The following SLC39A12 variants were observed in gnomAD, a reference collection of about 807,000 sequenced individuals.
The protein encoded by SLC39A12 is solute carrier family 39 member 12.
SLC39A12 carries 63 observed loss-of-function variants against 71.1 expected under a neutral mutation model. The observed-to-expected ratio is 0.89, with a 90% confidence interval of 0.72 to 1.09. The LOEUF (loss-of-function observed/expected upper bound fraction) is 1.09. Ranked by LOEUF, SLC39A12 falls within the 50% of genes least tolerant of loss-of-function variation. The probability of loss-of-function intolerance (pLI) is 0.00; values close to 1 mark genes in which losing one functional copy is unlikely to be tolerated. For missense variants in SLC39A12, 892 were observed against 812.6 expected, an observed-to-expected ratio of 1.10 and a Z score of -1.19; for synonymous variants, 351 against 301.3, an observed-to-expected ratio of 1.16 and a Z score of -1.71.
At chr10:18,042,630 C>T (rs1329459113) in intron 12 of SLC39A12, 75 bp from the exon 13 acceptor site, 13 of 1,453,708 alleles carry the variant, frequency 8.9e-6, no homozygotes, top group Non-Finnish European at 1.2e-5. Context: ...AACAGTCGCT[C>T]ATGTTTTCCC....
intron 12 of SLC39A12, 21 bp from the exon 13 acceptor site, chr10:18,042,684 G>T (rs1468419483): frequency 1.9e-6 from 3 of 1,595,614 alleles, no homozygotes; most frequent in African/African-American, 1.4e-5. Context: ...ATCTTATTCT[G>T]GTTTTTTATT....
chr10:17,983,938 T>C (rs1356052693), intron 6 of SLC39A12, among the ~76,000 whole-genome samples: 1 of 152,162 alleles, frequency 6.6e-6, no homozygotes, highest in Admixed American at 6.5e-5. Flanking sequence ...GGGGAGACAT[T>C]ATTAAGAAAA....
At chr10:17,980,493 C>T (rs954156188) in intron 5 of SLC39A12, among the ~76,000 whole-genome samples, 5 of 152,110 alleles carry the variant, frequency 3.3e-5, no homozygotes, top group African/African-American at 4.8e-5. Flanking sequence ...TGAAACTACC[C>T]GTCATTCTCA....
intron 4 of SLC39A12, among the ~76,000 whole-genome samples, chr10:17,977,481 T>C (rs553304): frequency 0.48 from 72,877 of 151,982 alleles, 17,565 homozygotes; most frequent in South Asian, 0.56. Flanking sequence ...AACTAATCTG[T>C]GATCTTTAAA....
intron 12 of SLC39A12, among the ~76,000 whole-genome samples, chr10:18,030,297 C>T (rs181152236): frequency 0.012 from 1,760 of 151,256 alleles, 33 homozygotes; most frequent in African/African-American, 0.04. Context: ...GAGTCTCTCT[C>T]TGTCGCCCAG....
chr10:18,031,395 C>T (rs2130892124), intron 12 of SLC39A12, among the ~76,000 whole-genome samples: 1 of 136,642 alleles, frequency 7.3e-6, no homozygotes, highest in East Asian at 2.1e-4. Context: ...TCTCTGATGG[C>T]CAGTGATGAT....
rs1450619350 is a variant in SLC39A12, at chr10:18,000,800, G to A, written c.1734G>A (p.Leu578=). 3 of 1,614,002 alleles carry A rather than the reference G, an allele frequency of 1.9e-6. No individual in the cohort carries two copies. The highest frequency in any genetic ancestry group is 1.3e-5 in the African/African-American group (1 of 75,032). The change falls in exon 11 of 13, where the codon TTG becomes TTA. Residue 578 remains leucine, a synonymous_variant. Transcript: ENST00000377369. ...ESGVTTTIAI[L]CHEIPHEMGD... ...GAGTGACCACTACGATTGCTATCTT[G>A]TGTCATGAAATCCCACATGAAATGG...
At chr10:18,004,082 G>A (rs373811976) in intron 12 of SLC39A12, among the ~76,000 whole-genome samples, 2 of 152,112 alleles carry the variant, frequency 1.3e-5, no homozygotes, top group Admixed American at 6.5e-5. Flanking sequence ...TTGAACCTGG[G>A]AAATTTCACA....
chr10:17,987,561 TGAG>T lies in SLC39A12; in HGVS notation c.1183_1185del (p.Glu395del). 2 of 1,614,064 alleles carry T rather than the reference TGAG, an allele frequency of 1.2e-6. No individual in the cohort carries two copies. Among genetic ancestry groups the T allele is most frequent in the African/African-American group, 1.3e-5 (1 of 75,012 alleles). On this transcript the variant is annotated inframe_deletion, in exon 7 of 13. Transcript: ENST00000377369. ...CAGCGCTGGTCCTTTTCCATAGCTG[TGAG>T]GAGAACTACAGGCTTATCTTACAGC...
At chr10:18,016,436 A>T (rs972419496) in intron 12 of SLC39A12, among the ~76,000 whole-genome samples, 3 of 152,144 alleles carry the variant, frequency 2.0e-5, no homozygotes, top group Non-Finnish European at 4.4e-5. Flanking sequence ...TTATCCATTT[A>T]CCTACTGCAG....
intron 12 of SLC39A12, among the ~76,000 whole-genome samples, chr10:18,004,132 G>A (rs766038486): frequency 3.7e-4 from 56 of 152,098 alleles, no homozygotes; most frequent in Admixed American, 2.0e-4. Flanking sequence ...TAAGATAAAA[G>A]TCTTTTTGAA....
chr10:18,003,491 T>C, intron 12 of SLC39A12, 133 bp downstream of exon 12: 7 of 803,562 alleles, frequency 8.7e-6, no homozygotes, highest in Non-Finnish European at 1.3e-5. Flanking sequence ...CATTAAGGAA[T>C]ATTCTTTGTA....
intron 12 of SLC39A12, among the ~76,000 whole-genome samples, chr10:18,004,952 T>A (rs948141935): frequency 3.3e-5 from 5 of 151,884 alleles, no homozygotes; most frequent in Non-Finnish European, 5.9e-5. Context: ...GAAGCCATTA[T>A]CCCCAGCAAA....
intron 12 of SLC39A12, among the ~76,000 whole-genome samples, chr10:18,036,330 G>T (rs1023748339): frequency 6.6e-6 from 1 of 152,236 alleles, no homozygotes; most frequent in Non-Finnish European, 1.5e-5. Context: ...TCCGAGCCAG[G>T]TGTGGGATAT....
At chr10:18,039,920 T>C (rs1382264736) in intron 12 of SLC39A12, among the ~76,000 whole-genome samples, 1 of 152,204 alleles carries the variant, frequency 6.6e-6, no homozygotes, top group Non-Finnish European at 1.5e-5. Flanking sequence ...CAAAACACTC[T>C]GAATGTTGAA....
At chr10:17,979,969 A>G (rs747778839) in intron 5 of SLC39A12, among the ~76,000 whole-genome samples, 45 of 152,168 alleles carry the variant, frequency 3.0e-4, no homozygotes, top group Admixed American at 7.9e-4. Context: ...TGTGAAAGGA[A>G]GTAGATATAT....
intron 12 of SLC39A12, among the ~76,000 whole-genome samples, chr10:18,011,630 A>G (rs1037313483): frequency 2.6e-5 from 4 of 152,264 alleles, no homozygotes; most frequent in African/African-American, 7.2e-5. Context: ...GCTGGCTGAC[A>G]TCTGTCTTTG....
At chr10:17,979,391 G>T (rs890484902) in intron 5 of SLC39A12, among the ~76,000 whole-genome samples, 1 of 152,194 alleles carries the variant, frequency 6.6e-6, no homozygotes, top group African/African-American at 2.4e-5. Flanking sequence ...TCGACTTCTT[G>T]ACAACAAACT....
In SLC39A12 at chr10:17,991,237, T is replaced by G; in HGVS notation, c.1356T>G (p.Ile452Met). The G allele has an allele frequency of 6.2e-7, 1 of 1,600,964 alleles. No homozygotes were observed. Among genetic ancestry groups the G allele is most frequent in the Non-Finnish European group, 8.5e-7 (1 of 1,175,244 alleles). The change falls in exon 8 of 13, where the codon ATT becomes ATG. Residue 452 changes from isoleucine to methionine, a missense_variant. By Grantham distance (10) the Ile-to-Met change is conservative. Coordinates refer to ENST00000377369, the MANE Select transcript of SLC39A12 (RefSeq NM_001145195.2). ...KGHIWKLMGL[I>M]GGIHGFFLIE... ...ATATTTGGAAACTGATGGGATTAAT[T>G]GGAGGCATCCATGGATTTTTCTTGA...
Sources: allele counts gnomAD v4.1 joint callset (sites outside exome capture counted in the v4.1 genomes callset), GRCh38; gene constraint gnomAD v4.1.1; transcripts MANE v1.5; gene names NCBI Gene and HGNC (gene_info 2026-07-23, HGNC 2026-07-21).